PTPRS: variants seen among roughly 807,000 people sequenced by gnomAD.
PTPRS encodes protein tyrosine phosphatase receptor type S, also known as receptor-type tyrosine-protein phosphatase S.
A neutral mutation model predicts 215.3 loss-of-function variants in PTPRS; 63 were observed. The ratio of observed to expected loss-of-function variants is 0.29; its 90% CI spans 0.24 to 0.36. The LOEUF is 0.36. Ranked by LOEUF, PTPRS falls within the 10% of genes least tolerant of loss-of-function variation. The pLI is 1.00. For missense variants in PTPRS, 2,258 were observed against 2,825.8 expected, an observed-to-expected ratio of 0.80 and a Z score of 4.56; for synonymous variants, 1,404 against 1,191.4, an observed-to-expected ratio of 1.18 and a Z score of -3.68.
chr19:5,315,238 C>G (rs956850399), intron 1 of PTPRS, among the ~76,000 whole-genome samples: 2 of 151,952 alleles, frequency 1.3e-5, no homozygotes, highest in Non-Finnish European at 2.9e-5. Context: ...CTATTCCCCT[C>G]CCTTATCAAT....
chr19:5,252,896 A>AG (rs2045255746), intron 9 of PTPRS, among the ~76,000 whole-genome samples: 2 of 149,580 alleles, frequency 1.3e-5, no homozygotes, highest in Admixed American at 6.6e-5. Flanking sequence ...AAAAAAAAAA[A>AG]GTAAAAGAAA....
intron 1 of PTPRS, among the ~76,000 whole-genome samples, chr19:5,340,170 G>A (rs1179811682): frequency 6.6e-6 from 1 of 151,320 alleles, no homozygotes; most frequent in African/African-American, 2.4e-5. Flanking sequence ...CTCCGCTCCG[G>A]GGCGCCCGCA....
At chr19:5,256,261 A>C in intron 8 of PTPRS, 142 bp from the exon 9 acceptor site, 1 of 579,524 alleles carries the variant, frequency 1.7e-6, no homozygotes, top group Non-Finnish European at 2.8e-6. Context: ...CTTTAAACCA[A>C]AAAAAAAAAT....
chr19:5,230,154 G>T (rs1465744946), intron 14 of PTPRS, among the ~76,000 whole-genome samples: 1 of 152,182 alleles, frequency 6.6e-6, no homozygotes, highest in Non-Finnish European at 1.5e-5. Context: ...GGCCCACTTG[G>T]CACTCAGGAT....
In PTPRS at chr19:5,223,332, C is replaced by T. The variant is rs758124737; in HGVS notation, c.2495-35G>A. The T allele has an allele frequency of 1.3e-5, 19 of 1,427,282 alleles. No individual in the cohort carries two copies. The South Asian group carries it at 1.7e-4, about 13-fold the overall frequency. 88.4% of individuals were successfully genotyped at this position (1,427,282 alleles called of 1,614,324 possible). On this transcript the variant is annotated intron_variant, in intron 17 of 37. Coordinates refer to ENST00000262963, the MANE Select transcript of PTPRS (RefSeq NM_002850.4). ...TACGGGGCAGGTGTCAGGGTCCCAGCGCCATCCGCCAGCCCAGAGGCACAA... is the reference window on the plus strand; with the variant it reads ...TACGGGGCAGGTGTCAGGGTCCCAGTGCCATCCGCCAGCCCAGAGGCACAA...
intron 1 of PTPRS, among the ~76,000 whole-genome samples, chr19:5,297,412 A>G (rs1042518729): frequency 3.3e-5 from 5 of 152,172 alleles, no homozygotes; most frequent in African/African-American, 7.2e-5. Context: ...TTCCCTGTAC[A>G]TGTGCTGAGC....
chr19:5,232,510 A>G (rs74969902), intron 13 of PTPRS, among the ~76,000 whole-genome samples: 2,604 of 147,786 alleles, frequency 0.018, 92 homozygotes, highest in African/African-American at 0.062. Flanking sequence ...CCATTTATTA[A>G]GCACTTATTA....
rs2042108658 is a variant in PTPRS, at chr19:5,222,726, G to A, written c.3066C>T (p.Ser1022=). The change falls in exon 18 of 38, where the codon AGC becomes AGT. Residue 1022 remains serine, a synonymous_variant. Transcript: ENST00000262963. ...GGAACGTCCGGTAGCGGACGGGGGG[G>A]CTGAAGGGGCCAGGGCCCCGGCGCG... ...AHTRRGPGPF[S]PPVRYRTFLR... 2 of 1,596,078 alleles carry A rather than the reference G, an allele frequency of 1.3e-6. No individual in the cohort carries two copies. Among genetic ancestry groups the A allele is most frequent in the Admixed American group, 1.7e-5 (1 of 59,532 alleles).
At chr19:5,224,785 A>G (rs2042326125) in intron 17 of PTPRS, among the ~76,000 whole-genome samples, 1 of 152,140 alleles carries the variant, frequency 6.6e-6, no homozygotes, top group African/African-American at 2.4e-5. Flanking sequence ...GTGGCGTTAG[A>G]GCTGGATGCT....
intron 20 of PTPRS, among the ~76,000 whole-genome samples, chr19:5,220,627 C>T (rs1016281987): frequency 1.3e-5 from 2 of 152,220 alleles, no homozygotes; most frequent in Non-Finnish European, 2.9e-5. Flanking sequence ...TCAATGCCCA[C>T]ATAACCTTGT....
At position 5,269,977 on chromosome 19, in the gene PTPRS, A is replaced by G. The variant is rs1879625863; in HGVS notation, c.379+3465T>C. 2.7e-5 allele frequency among the ~76,000 whole-genome samples: 4 copies of G among 148,554 alleles called. No individual in the cohort carries two copies. The Middle Eastern group carries it at 0.011, about 395-fold the overall frequency. On this transcript the variant is annotated intron_variant, in intron 4 of 37. Transcript: ENST00000262963. ...TGGGCGCAGGGGGCATTTTTTTCCC[A>G]GACTCCGGGGGACCGGGCAGTTGAT...
At chr19:5,334,042 G>C (rs938514633) in intron 1 of PTPRS, among the ~76,000 whole-genome samples, 1 of 151,788 alleles carries the variant, frequency 6.6e-6, no homozygotes, top group African/African-American at 2.4e-5. Flanking sequence ...GGAGTCCCTG[G>C]AGTGCCTGGA....
At position 5,257,873 on chromosome 19, in the gene PTPRS, G is replaced by A. The variant is rs1026242960; in HGVS notation, c.706+144C>T. 1.8e-4 allele frequency: 116 copies of A among 656,506 alleles called. No homozygotes were observed. The East Asian group carries it at 1.9e-3, about 11-fold the overall frequency. The allele number at this position is 656,506 out of a possible 1,614,324, so 40.7% of individuals were successfully genotyped here. On this transcript the variant is annotated intron_variant, in intron 8 of 37. Transcript: ENST00000262963. The surrounding 1 kb of genome is among the most constrained non-coding windows in gnomAD (Gnocchi z 4.4). ...AAGGCCCAGAGAGGGACGCCGCCTC[G>A]GCCAAGGTCCCACCGCGACCGGGGA...
intron 25 of PTPRS, 42 bp from the exon 26 acceptor site, chr19:5,216,809 G>C (rs1175878946): frequency 7.1e-7 from 1 of 1,401,164 alleles, no homozygotes; most frequent in East Asian, 2.5e-5. Context: ...CATGCAGGGG[G>C]TAGGGGGGGG....
chr19:5,274,444 G>A (rs183687086), intron 2 of PTPRS, 100 bp from the exon 3 acceptor site: 580 of 1,345,258 alleles, frequency 4.3e-4, no homozygotes, highest in Middle Eastern at 3.1e-3. Flanking sequence ...CCCTGCCCAC[G>A]GAAGTGCCAT....
intron 9 of PTPRS, among the ~76,000 whole-genome samples, chr19:5,252,844 G>C (rs1158215293): frequency 7.7e-6 from 1 of 130,632 alleles, no homozygotes; most frequent in Non-Finnish European, 1.5e-5. Context: ...ATGCACTCCA[G>C]CCTGAGTGAC....
At chr19:5,228,598 C>T (rs2042729026) in intron 16 of PTPRS, among the ~76,000 whole-genome samples, 1 of 152,130 alleles carries the variant, frequency 6.6e-6, no homozygotes, top group Admixed American at 6.5e-5. Flanking sequence ...CCTGCCTCAA[C>T]CTCCCAAAGT....
At chr19:5,274,820 A>C (rs1351463750) in intron 2 of PTPRS, among the ~76,000 whole-genome samples, 3 of 152,232 alleles carry the variant, frequency 2.0e-5, no homozygotes, top group African/African-American at 7.2e-5. Context: ...TTTCCTGGTG[A>C]GACATGTGGG....
At position 5,212,154 on chromosome 19, in the gene PTPRS, C is replaced by G. The variant is rs115759427; in HGVS notation, c.4866G>C (p.Thr1622=). 6.2e-7 allele frequency: 1 copy of G among 1,614,072 alleles called. No individual in the cohort carries two copies. The highest frequency in any genetic ancestry group is 8.5e-7 in the Non-Finnish European group (1 of 1,180,046). ...EKTVDVYGHV[T]LMRSQRNYMV... is the part of the protein sequence containing the mutation. ...TGTAGTTGCGCTGGGACCTCATGAG[C>G]GTCACGTGGCCATAGACATCGACTG... The change falls in exon 32 of 38, where the codon ACG becomes ACC. Residue 1622 remains threonine, a synonymous_variant. Transcript: ENST00000262963.
Sources: gnomAD v4.1 joint callset for allele counts (sites outside exome capture counted in the v4.1 genomes callset) on GRCh38, gnomAD v4.1.1 for gene constraint, Gnocchi (gnomAD v3.1) non-coding constraint, MANE v1.5 for transcripts, NCBI Gene and HGNC (gene_info 2026-07-23, HGNC 2026-07-21) for gene names.